The following KLF12 variants were observed in gnomAD, a reference collection of about 807,000 sequenced individuals.
The protein encoded by KLF12 is Krueppel-like factor 12.
A neutral mutation model predicts 37.8 loss-of-function variants in KLF12; 9 were observed. That is an observed-to-expected ratio of 0.24 (90% CI 0.14 to 0.42). The LOEUF (loss-of-function observed/expected upper bound fraction) is 0.42. KLF12 is among the 10% of genes least tolerant of loss of function. KLF12 has a pLI of 1.00. For synonymous variants in KLF12, 208 were observed against 202.1 expected (o/e 1.03, Z -0.25); for missense variants, 411 against 516.0 (o/e 0.80, Z 1.97).
chr13:74,104,486 G>C (rs1346531368), intron 1 of KLF12, among the ~76,000 whole-genome samples: 1 of 152,162 alleles, frequency 6.6e-6, no homozygotes, highest in East Asian at 1.9e-4. Flanking sequence ...CCACTTTCTT[G>C]ATCAATTCAG....
At chr13:73,826,638 C>T (rs527755501) in intron 4 of KLF12, among the ~76,000 whole-genome samples, 1 of 152,084 alleles carries the variant, frequency 6.6e-6, no homozygotes, top group African/African-American at 2.4e-5. Context: ...ATTTTGTTTC[C>T]TTCTTCCACA....
chr13:74,121,201 G>A (rs1877616442), intron 1 of KLF12, among the ~76,000 whole-genome samples: 1 of 151,974 alleles, frequency 6.6e-6, no homozygotes, highest in South Asian at 2.1e-4. Flanking sequence ...ATTCACAACT[G>A]TACTTCAATA....
chr13:74,154,344 T>C, the KLF12 span, among the ~76,000 whole-genome samples: 5 of 152,096 alleles, frequency 3.3e-5, no homozygotes, highest in Non-Finnish European at 5.9e-5. Context: ...TTTTATCCCA[T>C]TATAAGTATT....
chr13:73,714,580 C>T (rs1177936949), intron 7 of KLF12, among the ~76,000 whole-genome samples: 1 of 152,202 alleles, frequency 6.6e-6, no homozygotes, highest in Non-Finnish European at 1.5e-5. Flanking sequence ...CACCACTCTT[C>T]TTAGAAGAAG....
chr13:74,263,926 T>G, the KLF12 span, among the ~76,000 whole-genome samples: 8 of 152,096 alleles, frequency 5.3e-5, no homozygotes, highest in Non-Finnish European at 1.2e-4. Flanking sequence ...TATAGCCAGG[T>G]TTGTTTTTTT....
chr13:73,835,156 G>A (rs917987355), intron 4 of KLF12, among the ~76,000 whole-genome samples: 2 of 150,516 alleles, frequency 1.3e-5, no homozygotes, highest in East Asian at 1.9e-4. Flanking sequence ...CTTAGGTCTC[G>A]AATTCAGGTT....
chr13:73,841,132 A>G (rs1032413383), intron 4 of KLF12, among the ~76,000 whole-genome samples: 4 of 152,198 alleles, frequency 2.6e-5, no homozygotes, highest in Admixed American at 2.0e-4. Flanking sequence ...CCCTGACAGT[A>G]GGGACTTGCT....
chr13:74,209,023 C>T, the KLF12 span, among the ~76,000 whole-genome samples: 6 of 151,938 alleles, frequency 3.9e-5, no homozygotes, highest in South Asian at 2.1e-4. Flanking sequence ...CAGTTAAATC[C>T]GATCTTGAGT....
At chr13:74,108,030 CTATTAAGTCACAT>C (rs1461767586) in intron 1 of KLF12, among the ~76,000 whole-genome samples, 1 of 152,116 alleles carries the variant, frequency 6.6e-6, no homozygotes, top group Non-Finnish European at 1.5e-5. Context: ...TTTCAATGTA[CTATTAAGTCACAT>C]TATTTTTACT....
intron 4 of KLF12, among the ~76,000 whole-genome samples, chr13:73,838,579 G>A: frequency 6.6e-6 from 1 of 152,040 alleles, no homozygotes; most frequent in South Asian, 2.1e-4. Flanking sequence ...AATGCATTTG[G>A]ACCTATAATA....
chr13:73,808,986 G>A (rs1284518398), intron 5 of KLF12, among the ~76,000 whole-genome samples: 4 of 152,138 alleles, frequency 2.6e-5, no homozygotes, highest in Non-Finnish European at 5.9e-5. Context: ...TGGTGGCCAA[G>A]GAAATAAGAG....
intron 1 of KLF12, among the ~76,000 whole-genome samples, chr13:74,072,406 T>TATATATATAA (rs1487459834): frequency 6.7e-5 from 8 of 119,694 alleles, no homozygotes; most frequent in African/African-American, 9.2e-5. Flanking sequence ...TATATATATA[T>TATATATATAA]AAAAGATTAT....
chr13:73,704,577 A>G (rs1874793732), intron 7 of KLF12, among the ~76,000 whole-genome samples: 1 of 152,158 alleles, frequency 6.6e-6, no homozygotes, highest in Non-Finnish European at 1.5e-5. Flanking sequence ...ACCTTTTACC[A>G]GGACCAGTTT....
intron 1 of KLF12, among the ~76,000 whole-genome samples, chr13:74,073,609 G>A (rs1874400804): frequency 1.3e-5 from 2 of 152,036 alleles, no homozygotes; most frequent in Non-Finnish European, 2.9e-5. Flanking sequence ...TACCCAAAGG[G>A]TTACCAAACA....
At chr13:74,146,319 C>T in the KLF12 span, among the ~76,000 whole-genome samples, 1 of 152,100 alleles carries the variant, frequency 6.6e-6, no homozygotes, top group African/African-American at 2.4e-5. Context: ...CTTCAATAAC[C>T]TTTATTTTTC....
chr13:74,192,808 T>C, the KLF12 span, among the ~76,000 whole-genome samples: 1 of 152,194 alleles, frequency 6.6e-6, no homozygotes, highest in South Asian at 2.1e-4. Flanking sequence ...ATTCTTAGAA[T>C]GCACAGATTT....
rs9592937 is a variant in KLF12 at position 73,688,964 on chromosome 13, C to T, written c.*6526G>A. Reference sequence around the variant, plus strand: ...CCATGAACAACTCAGCCACACTTCCCATGTCTCCGTTTCCCATCCATAAAG... The same window carrying T: ...CCATGAACAACTCAGCCACACTTCCTATGTCTCCGTTTCCCATCCATAAAG... On this transcript the variant is annotated 3_prime_UTR_variant, in exon 8 of 8. Transcript: ENST00000377669. 0.061 allele frequency: 9,220 copies of T among 152,176 alleles called. 385 individuals carry two copies. Among genetic ancestry groups the T allele is most frequent in the Non-Finnish European group, 0.09 (6,143 of 68,006 alleles). 9.4% of individuals were successfully genotyped at this position (152,176 alleles called of 1,614,324 possible). A position where few individuals can be genotyped will look rare whatever the true frequency, so the allele number is the denominator to read the frequency against.
chr13:74,107,123 T>C (rs9565076), intron 1 of KLF12, among the ~76,000 whole-genome samples: 82,985 of 152,124 alleles, frequency 0.55, 27,762 homozygotes, highest in East Asian at 0.91. Flanking sequence ...GGGGCTAGGG[T>C]GCTCCCTTGA....
chr13:74,293,332 A>G, the KLF12 span, among the ~76,000 whole-genome samples: 376 of 151,914 alleles, frequency 2.5e-3, 2 homozygotes, highest in African/African-American at 8.8e-3. Flanking sequence ...CCCCCTTCAA[A>G]CTCCCTCAAA....
Sources: allele counts gnomAD v4.1 joint callset (sites outside exome capture counted in the v4.1 genomes callset), GRCh38; gene constraint gnomAD v4.1.1; transcripts MANE v1.5; gene names NCBI Gene and HGNC (gene_info 2026-07-23, HGNC 2026-07-21).